RBFOX1: variants seen among roughly 807,000 people sequenced by gnomAD.
RBFOX1 encodes the protein RNA binding protein fox-1 homolog 1.
Under a neutral mutation model 57.7 loss-of-function variants are expected in RBFOX1, and 8 were observed. That is an observed-to-expected ratio of 0.14 (90% CI 0.08 to 0.25). RBFOX1 has a LOEUF of 0.25. Ranked by LOEUF, RBFOX1 falls within the 10% of genes least tolerant of loss-of-function variation. RBFOX1 has a pLI of 1.00. For missense variants in RBFOX1, 611 were observed against 548.5 expected (o/e 1.11, Z -1.14); for synonymous variants, 326 against 222.4 (o/e 1.47, Z -4.15).
chr16:7,483,195 G>A lies in RBFOX1; in HGVS notation c.28-34952G>A, dbSNP rs542139829. ...AGAATATTTATTAACCACCTACTAT[G>A]TGACTGCGGAAATAGACTCATCAAA... On this transcript the variant is annotated intron_variant, in intron 4 of 15. Transcript: ENST00000550418. Among the ~76,000 whole-genome samples, 24 of 152,322 alleles carry A rather than the reference G, an allele frequency of 1.6e-4. No individual in the cohort carries two copies. In the South Asian group the frequency reaches 4.6e-3, roughly 29 times the overall value.
chr16:7,651,974 G>A (rs927711518), intron 11 of RBFOX1, among the ~76,000 whole-genome samples: 1 of 152,048 alleles, frequency 6.6e-6, no homozygotes, highest in Non-Finnish European at 1.5e-5. Context: ...AAAGTGGTTT[G>A]CTGACTCTGT....
intron 4 of RBFOX1, among the ~76,000 whole-genome samples, chr16:5,972,838 G>A (rs2059989968): frequency 6.6e-6 from 1 of 152,196 alleles, no homozygotes; most frequent in Non-Finnish European, 1.5e-5. Flanking sequence ...TTCCTTAGTA[G>A]CAGGGGAGGT....
chr16:5,920,155 C>T (rs753854091), intron 4 of RBFOX1, among the ~76,000 whole-genome samples: 6 of 152,178 alleles, frequency 3.9e-5, no homozygotes, highest in Non-Finnish European at 5.9e-5. Context: ...AGGATGGTCT[C>T]GATCTCCTGA....
At chr16:5,950,327 GAC>G (rs2059494161) in intron 4 of RBFOX1, among the ~76,000 whole-genome samples, 1 of 152,184 alleles carries the variant, frequency 6.6e-6, no homozygotes, top group Admixed American at 6.5e-5. Flanking sequence ...CTGATATTGA[GAC>G]GATGTGAAGA....
At chr16:7,307,816 C>G (rs1748347580) in intron 4 of RBFOX1, among the ~76,000 whole-genome samples, 1 of 152,176 alleles carries the variant, frequency 6.6e-6, no homozygotes, top group Admixed American at 6.5e-5. Context: ...ATGGAACGGA[C>G]AAGTAGTCCT....
At chr16:6,684,494 C>G (rs1232685691) in intron 3 of RBFOX1, among the ~76,000 whole-genome samples, 1 of 152,182 alleles carries the variant, frequency 6.6e-6, no homozygotes, top group Non-Finnish European at 1.5e-5. Flanking sequence ...TTGCAAACAT[C>G]ATCAGCTTGT....
chr16:5,690,265 A>G (rs1411479154), intron 3 of RBFOX1, among the ~76,000 whole-genome samples: 8 of 152,236 alleles, frequency 5.3e-5, no homozygotes, highest in Admixed American at 5.2e-4. Context: ...TCACAGTGTC[A>G]TCAATGCCAA....
intron 4 of RBFOX1, among the ~76,000 whole-genome samples, chr16:7,340,067 C>G (rs2096864446): frequency 6.6e-6 from 1 of 152,190 alleles, no homozygotes; most frequent in South Asian, 2.1e-4. Flanking sequence ...ATAGTCCATG[C>G]ACATCTCCAA....
intron 4 of RBFOX1, among the ~76,000 whole-genome samples, chr16:7,461,702 A>G (rs1249577695): frequency 2.0e-5 from 3 of 152,204 alleles, no homozygotes; most frequent in Non-Finnish European, 2.9e-5. Context: ...GGAAGATGAT[A>G]TGATAATCCA....
intron 3 of RBFOX1, among the ~76,000 whole-genome samples, chr16:6,812,904 T>C (rs1567359988): frequency 6.6e-6 from 1 of 152,184 alleles, no homozygotes; most frequent in African/African-American, 2.4e-5. Flanking sequence ...AGAGTGACGA[T>C]GTTTCTAGAG....
At chr16:5,437,689 C>G (rs774293697) in intron 1 of RBFOX1, among the ~76,000 whole-genome samples, 1 of 152,164 alleles carries the variant, frequency 6.6e-6, no homozygotes, top group East Asian at 1.9e-4. Flanking sequence ...TATGGTAAAA[C>G]TATTTATGCC....
intron 2 of RBFOX1, among the ~76,000 whole-genome samples, chr16:6,380,541 G>T (rs969882115): frequency 6.6e-6 from 1 of 150,726 alleles, no homozygotes; most frequent in African/African-American, 2.4e-5. Context: ...TTGAAGTTCT[G>T]GGGGGAAAAT....
At chr16:5,532,797 G>C (rs1421460312) in intron 2 of RBFOX1, among the ~76,000 whole-genome samples, 1 of 152,188 alleles carries the variant, frequency 6.6e-6, no homozygotes, top group East Asian at 1.9e-4. Context: ...GGGGTGGTGG[G>C]TTGTGAGGCA....
chr16:6,052,611 T>C (rs887796425), intron 1 of RBFOX1, among the ~76,000 whole-genome samples: 1 of 151,810 alleles, frequency 6.6e-6, no homozygotes, highest in African/African-American at 2.4e-5. Flanking sequence ...GGTGAAACTC[T>C]GTCTCTACTA....
At chr16:6,554,945 C>G (rs1455807365) in intron 2 of RBFOX1, among the ~76,000 whole-genome samples, 4 of 152,148 alleles carry the variant, frequency 2.6e-5, no homozygotes, top group South Asian at 2.1e-4. Context: ...TGACCTAGGG[C>G]TAAGTGACTA....
At chr16:5,565,452 C>G (rs1396134899) in intron 2 of RBFOX1, among the ~76,000 whole-genome samples, 19 of 151,890 alleles carry the variant, frequency 1.3e-4, no homozygotes, top group Non-Finnish European at 1.5e-5. Context: ...ATAGAGAAAG[C>G]CTGTGTCTAC....
intron 4 of RBFOX1, among the ~76,000 whole-genome samples, chr16:6,010,048 G>C (rs138581594): frequency 7.6e-4 from 115 of 152,214 alleles, no homozygotes; most frequent in African/African-American, 2.6e-3. Flanking sequence ...TATCAGGCAC[G>C]TGGCTGCTGC....
intron 4 of RBFOX1, among the ~76,000 whole-genome samples, chr16:7,174,880 G>T (rs2081356822): frequency 1.3e-5 from 2 of 152,190 alleles, no homozygotes; most frequent in Admixed American, 1.3e-4. Flanking sequence ...CATCCAGGTT[G>T]TGCCACATCC....
chr16:5,632,854 G>A (rs570038763), intron 3 of RBFOX1, among the ~76,000 whole-genome samples: 47 of 151,666 alleles, frequency 3.1e-4, no homozygotes, highest in African/African-American at 8.5e-4. Flanking sequence ...CAGAATTTCC[G>A]TAACTTTCTC....
Sources: gnomAD v4.1 joint callset for allele counts (sites outside exome capture counted in the v4.1 genomes callset) on GRCh38, gnomAD v4.1.1 for gene constraint, MANE v1.5 for transcripts, NCBI Gene and HGNC (gene_info 2026-07-23, HGNC 2026-07-21) for gene names.